CCDC57: variants seen among roughly 807,000 people sequenced by gnomAD.
CCDC57 encodes coiled-coil domain-containing protein 57.
A neutral mutation model predicts 118.9 loss-of-function variants in CCDC57; 118 were observed. The ratio of observed to expected loss-of-function variants is 0.99; its 90% CI spans 0.86 to 1.16. The LOEUF is 1.16. Ranked by LOEUF, CCDC57 falls within the 50% of genes most tolerant of loss-of-function variation. The pLI is 0.00. For synonymous variants in CCDC57, 527 were observed against 532.9 expected, an observed-to-expected ratio of 0.99 and a Z score of 0.15; for missense variants, 1,300 against 1,320.7, an observed-to-expected ratio of 0.98 and a Z score of 0.24.
chr17:82,208,205 G>C (rs1231423335), intron 1 of CCDC57, among the ~76,000 whole-genome samples: 1 of 151,620 alleles, frequency 6.6e-6, no homozygotes, highest in Admixed American at 6.6e-5. Flanking sequence ...ACTGCGCCCA[G>C]CCCAAATATA....
intron 14 of CCDC57, chr17:82,160,059 G>A (rs1769456013): frequency 6.6e-6 from 1 of 152,110 alleles, no homozygotes; most frequent in African/African-American, 2.4e-5. Context: ...CACTCCCTGG[G>A]CAGATGGGAA....
intron 19 of CCDC57, among the ~76,000 whole-genome samples, chr17:82,105,448 G>A (rs867921492): frequency 1.3e-4 from 20 of 152,278 alleles, no homozygotes; most frequent in East Asian, 7.7e-4. Context: ...TAGTGCAGAC[G>A]GTGACAGTGA....
chr17:82,143,063 G>C (rs1396870783), intron 16 of CCDC57, among the ~76,000 whole-genome samples: 1 of 151,976 alleles, frequency 6.6e-6, no homozygotes, highest in African/African-American at 2.4e-5. Flanking sequence ...ACTCAAGGCC[G>C]AGGCAGGAGA....
intron 16 of CCDC57, among the ~76,000 whole-genome samples, chr17:82,149,767 A>G (rs1438920210): frequency 6.6e-6 from 1 of 151,210 alleles, no homozygotes; most frequent in African/African-American, 2.4e-5. Flanking sequence ...GCGCACACCC[A>G]GAACCTGGCC....
At chr17:82,156,111 C>G (rs2145936446) in intron 15 of CCDC57, 1 of 152,248 alleles carries the variant, frequency 6.6e-6, no homozygotes, top group East Asian at 1.9e-4. Context: ...GCCTGGCCAA[C>G]ATGGTGAAAC....
chr17:82,134,563 G>A (rs770741374), intron 16 of CCDC57, among the ~76,000 whole-genome samples: 6 of 152,170 alleles, frequency 3.9e-5, no homozygotes, highest in Non-Finnish European at 8.8e-5. Flanking sequence ...GGAGGCTGAG[G>A]CAGGTTGCTC....
In CCDC57 at chr17:82,178,578, GCT is replaced by G. The variant is rs2045814621; in HGVS notation, c.1400_1401del (p.Glu467AlafsTer42). The G allele has an allele frequency of 6.2e-7, 1 of 1,612,908 alleles. No individual in the cohort carries two copies. Among genetic ancestry groups the G allele is most frequent in the Non-Finnish European group, 8.5e-7 (1 of 1,179,886 alleles). ...ACCACCTCCTGCTCCTGTAGCGCCTGCTCTGTCTCCTGCAGCTTGGCAGCAAC... is the reference window on the plus strand; with the variant it reads ...ACCACCTCCTGCTCCTGTAGCGCCTGCTGTCTCCTGCAGCTTGGCAGCAAC... On this transcript the variant is annotated frameshift_variant, in exon 11 of 20. Transcript: ENST00000665763. LOFTEE classifies it high-confidence loss of function.
intron 13 of CCDC57, among the ~76,000 whole-genome samples, chr17:82,164,052 A>G (rs1045787757): frequency 2.6e-5 from 4 of 152,096 alleles, no homozygotes; most frequent in Admixed American, 6.6e-5. Context: ...ACACACACAG[A>G]AAAATAAATT....
chr17:82,137,097 A>C (rs1369583689), intron 16 of CCDC57, among the ~76,000 whole-genome samples: 2 of 143,812 alleles, frequency 1.4e-5, no homozygotes, highest in East Asian at 4.2e-4. Context: ...GGCTCACTGC[A>C]ACCTCCACTT....
At chr17:82,110,209 G>C (rs1487414757) in intron 19 of CCDC57, among the ~76,000 whole-genome samples, 1 of 152,066 alleles carries the variant, frequency 6.6e-6, no homozygotes, top group African/African-American at 2.4e-5. Context: ...TTGAACTCCT[G>C]ACCTCAAGTG....
chr17:82,137,013 CT>C (rs36143411), intron 16 of CCDC57, among the ~76,000 whole-genome samples: 1,537 of 125,180 alleles, frequency 0.012, 13 homozygotes, highest in African/African-American at 0.041. Flanking sequence ...TGGTGTACTA[CT>C]TTTTTTTTTT....
chr17:82,162,600 C>A (rs1164178267), intron 14 of CCDC57, among the ~76,000 whole-genome samples: 1 of 138,564 alleles, frequency 7.2e-6, no homozygotes, highest in African/African-American at 2.7e-5. Context: ...GCAGCCCGCA[C>A]ACACGCCCCA....
At chr17:82,158,205 G>A (rs984025008) in intron 14 of CCDC57, among the ~76,000 whole-genome samples, 14 of 152,212 alleles carry the variant, frequency 9.2e-5, no homozygotes, top group African/African-American at 1.4e-4. Flanking sequence ...GGGAGAATCC[G>A]TGCATGGACT....
intron 4 of CCDC57, among the ~76,000 whole-genome samples, chr17:82,197,370 T>C (rs2048449933): frequency 6.6e-6 from 1 of 152,270 alleles, no homozygotes; most frequent in African/African-American, 2.4e-5. Context: ...CTGTGGTCTC[T>C]AGATATAAAT....
chr17:82,162,310 A>G (rs2043445352), intron 14 of CCDC57, among the ~76,000 whole-genome samples: 2 of 152,140 alleles, frequency 1.3e-5, no homozygotes, highest in Admixed American at 1.3e-4. Context: ...CTGGCCACAC[A>G]ATTTTTTAAA....
chr17:82,143,859 G>A (rs1390364617), intron 16 of CCDC57, among the ~76,000 whole-genome samples: 7 of 151,278 alleles, frequency 4.6e-5, no homozygotes, highest in African/African-American at 1.7e-4. Flanking sequence ...AGAACTTCAG[G>A]AGGCCAAGGC....
At chr17:82,195,848 C>T (rs763288777) in intron 4 of CCDC57, among the ~76,000 whole-genome samples, 1 of 152,060 alleles carries the variant, frequency 6.6e-6, no homozygotes, top group Non-Finnish European at 1.5e-5. Context: ...CACACAGGAT[C>T]GGACTACCCA....
chr17:82,128,802 A>AG (rs2037869450), intron 17 of CCDC57, among the ~76,000 whole-genome samples: 2 of 152,164 alleles, frequency 1.3e-5, no homozygotes, highest in African/African-American at 4.8e-5. Flanking sequence ...ATTCATTCCC[A>AG]GGAGCCTTCT....
At chr17:82,186,486 G>A (rs536861881) in intron 8 of CCDC57, among the ~76,000 whole-genome samples, 1 of 152,268 alleles carries the variant, frequency 6.6e-6, no homozygotes, top group South Asian at 2.1e-4. Context: ...AGAGGCTTTA[G>A]GTGCCTCCCA....
Sources: gnomAD v4.1 joint callset for allele counts (sites outside exome capture counted in the v4.1 genomes callset) on GRCh38, gnomAD v4.1.1 for gene constraint, MANE v1.5 for transcripts, NCBI Gene and HGNC (gene_info 2026-07-23, HGNC 2026-07-21) for gene names.